ARNT: variants seen among roughly 807,000 people sequenced by gnomAD.
The protein encoded by ARNT is class E basic helix-loop-helix protein 2.
Under a neutral mutation model 105.0 loss-of-function variants are expected in ARNT, and 30 were observed. The ratio of observed to expected loss-of-function variants is 0.29; its 90% CI spans 0.21 to 0.39. The LOEUF is 0.39. Ranked by LOEUF, ARNT falls within the 10% of genes least tolerant of loss-of-function variation. The pLI, the probability that ARNT is intolerant of heterozygous loss-of-function variation, is 1.00. For missense variants in ARNT, 748 were observed against 978.7 expected, an observed-to-expected ratio of 0.76 and a Z score of 3.15; for synonymous variants, 304 against 344.0, an observed-to-expected ratio of 0.88 and a Z score of 1.29.
intron 14 of ARNT, among the ~76,000 whole-genome samples, chr1:150,821,159 A>G (rs1656980735): frequency 6.6e-6 from 1 of 152,258 alleles, no homozygotes. Flanking sequence ...TCATCTTACA[A>G]GATGACTTAC....
At chr1:150,876,401 C>G in intron 1 of ARNT, 142 bp downstream of exon 1, 1 of 1,424,266 alleles carries the variant, frequency 7.0e-7, no homozygotes, top group Non-Finnish European at 9.4e-7. Flanking sequence ...CCCAGGTCAC[C>G]GCTCCCCCAC....
chr1:150,830,088 G>T, intron 10 of ARNT, 108 bp from the exon 11 acceptor site: 1 of 1,245,352 alleles, frequency 8.0e-7, no homozygotes. Context: ...GCCAGGCACC[G>T]TGGCTGACGC....
intron 14 of ARNT, among the ~76,000 whole-genome samples, chr1:150,821,350 T>C (rs2101677134): frequency 6.6e-6 from 1 of 152,358 alleles, no homozygotes; most frequent in East Asian, 1.9e-4. Context: ...GGTTTCAGTA[T>C]TGCACTCAAC....
At chr1:150,851,360 A>G (rs1167456239) in intron 3 of ARNT, among the ~76,000 whole-genome samples, 1 of 152,140 alleles carries the variant, frequency 6.6e-6, no homozygotes, top group Non-Finnish European at 1.5e-5. Context: ...TGGGAGGTGT[A>G]CCCAACAGCT....
intron 3 of ARNT, among the ~76,000 whole-genome samples, chr1:150,846,822 A>G (rs587657895): frequency 6.6e-6 from 1 of 152,244 alleles, no homozygotes; most frequent in Non-Finnish European, 1.5e-5. Context: ...TTCTGTGTCT[A>G]TGAATTTGAC....
At chr1:150,845,093 T>C (rs1242054695) in intron 4 of ARNT, among the ~76,000 whole-genome samples, 1 of 151,980 alleles carries the variant, frequency 6.6e-6, no homozygotes, top group South Asian at 2.1e-4. Flanking sequence ...TACAGGCATA[T>C]GCCACCACTC....
At chr1:150,876,509 C>T (rs1484332328) in intron 1 of ARNT, 34 bp downstream of exon 1, 1 of 1,549,274 alleles carries the variant, frequency 6.5e-7, no homozygotes, top group Non-Finnish European at 8.7e-7. Flanking sequence ...CGGCCCCTCC[C>T]CTTTAGAGGC....
At chr1:150,851,816 C>G (rs1002863747) in intron 3 of ARNT, among the ~76,000 whole-genome samples, 2 of 151,820 alleles carry the variant, frequency 1.3e-5, no homozygotes, top group African/African-American at 4.8e-5. Flanking sequence ...ATGACCCTGC[C>G]AAATCCCCCT....
At chr1:150,838,228 C>A (rs991846266) in intron 6 of ARNT, among the ~76,000 whole-genome samples, 1 of 152,298 alleles carries the variant, frequency 6.6e-6, no homozygotes, top group East Asian at 1.9e-4. Flanking sequence ...TTATTCCACA[C>A]TTCTAGGTTT....
chr1:150,861,150 A>G (rs1665554566), intron 1 of ARNT: 1 of 203,418 alleles, frequency 4.9e-6, no homozygotes, highest in Non-Finnish European at 1.0e-5. Flanking sequence ...ACCCTTATGC[A>G]CTGCTAGTGG....
chr1:150,829,457 A>G (rs1184113096), intron 11 of ARNT: 3 of 604,142 alleles, frequency 5.0e-6, no homozygotes, highest in Non-Finnish European at 5.9e-6. Context: ...AAGTAAGAAT[A>G]AAGTTTATTC....
intron 8 of ARNT, 101 bp downstream of exon 8, chr1:150,834,436 AT>A: frequency 2.6e-6 from 3 of 1,156,036 alleles, no homozygotes; most frequent in Non-Finnish European, 3.8e-6. Context: ...GGAGAGTTAA[AT>A]TTAATCCACT....
At chr1:150,828,721 T>C (rs1009892767) in intron 12 of ARNT, among the ~76,000 whole-genome samples, 9 of 152,218 alleles carry the variant, frequency 5.9e-5, no homozygotes, top group East Asian at 1.9e-4. Context: ...TAAATTATAA[T>C]AACTGGTGCT....
intron 13 of ARNT, among the ~76,000 whole-genome samples, chr1:150,824,843 G>C (rs1657873408): frequency 6.6e-6 from 1 of 151,920 alleles, no homozygotes; most frequent in Non-Finnish European, 1.5e-5. Context: ...TTTTTTAAAA[G>C]TAATTTTAGT....
chr1:150,859,776 A>G (rs1665273969), intron 1 of ARNT, among the ~76,000 whole-genome samples: 1 of 152,144 alleles, frequency 6.6e-6, no homozygotes, highest in South Asian at 2.1e-4. Flanking sequence ...TTGGGAGACC[A>G]AGGTGGGCAG....
At position 150,869,432 on chromosome 1, in the gene ARNT, G is replaced by A. The variant is rs1571532074; in HGVS notation, c.25+7111C>T. On this transcript the variant is annotated intron_variant, in intron 1 of 21. Coordinates refer to ENST00000358595, the MANE Select transcript of ARNT (RefSeq NM_001668.4). ...GCGGAGCTTGCAGTGAGCTGAGATC[G>A]TGCCACTGCACCCCAGCCTGGGTGA... Among the ~76,000 whole-genome samples, 3 of 150,304 alleles carry A rather than the reference G, an allele frequency of 2.0e-5. No homozygotes were observed. The South Asian group carries it at 6.4e-4, about 32-fold the overall frequency.
chr1:150,858,544 G>T, intron 1 of ARNT, 84 bp from the exon 2 acceptor site: 2 of 1,090,280 alleles, frequency 1.8e-6, no homozygotes, highest in Non-Finnish European at 2.7e-6. Flanking sequence ...TAAAAGAAAG[G>T]TTCAAGCTAT....
In ARNT at chr1:150,854,691, T is replaced by C. The variant is rs1029500923; in HGVS notation, c.138-1885A>G. ...AGTCAACATGGTGAAACCTCGTCTC[T>C]ACTAAAAATACAAAAATTAGCTGGG... On this transcript the variant is annotated intron_variant, in intron 2 of 21. Coordinates refer to ENST00000358595, the MANE Select transcript of ARNT (RefSeq NM_001668.4). Among the ~76,000 whole-genome samples the C allele has an allele frequency of 1.6e-3, 241 of 151,822 alleles. 3 individuals carry two copies. Among genetic ancestry groups the C allele is most frequent in the Admixed American group, 0.016 (238 of 15,222 alleles).
At chr1:150,861,357 T>A (rs934930825) in intron 1 of ARNT, 1 of 374,034 alleles carries the variant, frequency 2.7e-6, no homozygotes, top group Non-Finnish European at 5.2e-6. Context: ...AAAAATAGAA[T>A]TACCACATGA....
Sources: allele counts gnomAD v4.1 joint callset (sites outside exome capture counted in the v4.1 genomes callset), GRCh38; gene constraint gnomAD v4.1.1; transcripts MANE v1.5; gene names NCBI Gene and HGNC (gene_info 2026-07-23, HGNC 2026-07-21).